ARB2A: variants seen among roughly 807,000 people sequenced by gnomAD.
The protein encoded by ARB2A is ARB2 cotranscriptional regulator A.
chr5:94,084,258 G>A, the ARB2A span, among the ~76,000 whole-genome samples: 1 of 130,460 alleles, frequency 7.7e-6, no homozygotes, highest in Non-Finnish European at 1.6e-5. Context: ...TGGGCAACAG[G>A]AGCAAAACTT....
At chr5:93,929,827 A>G in the ARB2A span, among the ~76,000 whole-genome samples, 1 of 152,242 alleles carries the variant, frequency 6.6e-6, no homozygotes, top group Non-Finnish European at 1.5e-5. Context: ...GTCACTTGAC[A>G]TACATTCTTA....
the ARB2A span, among the ~76,000 whole-genome samples, chr5:93,769,943 G>A: frequency 6.6e-6 from 1 of 152,152 alleles, no homozygotes; most frequent in Non-Finnish European, 1.5e-5. Flanking sequence ...ATGGTCAGAG[G>A]AGAGCTGAAT....
At chr5:93,998,246 A>G in the ARB2A span, among the ~76,000 whole-genome samples, 4 of 151,918 alleles carry the variant, frequency 2.6e-5, no homozygotes, top group Admixed American at 6.6e-5. Flanking sequence ...AAACCTAGAG[A>G]GTATTGAGAT....
chr5:93,738,034 C>G, the ARB2A span: 1 of 369,972 alleles, frequency 2.7e-6, no homozygotes. Flanking sequence ...AAAAGGACAA[C>G]CCACAGAATG....
chr5:93,727,636 T>G, the ARB2A span, among the ~76,000 whole-genome samples: 1 of 152,048 alleles, frequency 6.6e-6, no homozygotes. Context: ...CCCAGTGGAA[T>G]GCACTAAACA....
At chr5:93,691,726 C>T in the ARB2A span, among the ~76,000 whole-genome samples, 2 of 151,772 alleles carry the variant, frequency 1.3e-5, no homozygotes, top group Non-Finnish European at 2.9e-5. Context: ...ACATAATTGT[C>T]AGATTCACCA....
At chr5:93,786,540 T>G in the ARB2A span, among the ~76,000 whole-genome samples, 13 of 152,364 alleles carry the variant, frequency 8.5e-5, no homozygotes, top group South Asian at 6.2e-4. Context: ...AAGATCTTAC[T>G]GAAGAGCGGT....
the ARB2A span, among the ~76,000 whole-genome samples, chr5:93,641,425 C>T: frequency 1.3e-5 from 2 of 151,944 alleles, no homozygotes; most frequent in African/African-American, 2.4e-5. Flanking sequence ...ATGGGAAACA[C>T]CTGTGAATCC....
At chr5:93,985,212 G>A in the ARB2A span, among the ~76,000 whole-genome samples, 1 of 152,070 alleles carries the variant, frequency 6.6e-6, no homozygotes, top group African/African-American at 2.4e-5. Context: ...AATTTACCCT[G>A]GTGAACTCCC....
chr5:93,635,459 G>GTTTTTT, the ARB2A span, among the ~76,000 whole-genome samples: 31 of 128,908 alleles, frequency 2.4e-4, 1 homozygote, highest in African/African-American at 8.5e-4. Context: ...TTATACGAAA[G>GTTTTTT]TTTTTTTTTT....
chr5:93,772,368 A>G, the ARB2A span, among the ~76,000 whole-genome samples: 1 of 152,104 alleles, frequency 6.6e-6, no homozygotes, highest in Non-Finnish European at 1.5e-5. Flanking sequence ...ATGACGAGTT[A>G]ATGGGTGCAG....
chr5:94,049,200 A>G, the ARB2A span, among the ~76,000 whole-genome samples: 4 of 152,114 alleles, frequency 2.6e-5, no homozygotes, highest in Non-Finnish European at 5.9e-5. Flanking sequence ...CAAACTACTC[A>G]CCTAAATGGC....
chr5:94,110,707 A>C, the ARB2A span, among the ~76,000 whole-genome samples: 1 of 152,246 alleles, frequency 6.6e-6, no homozygotes, highest in African/African-American at 2.4e-5. Context: ...GGCATGCGTT[A>C]ATGCAAACGA....
the ARB2A span, among the ~76,000 whole-genome samples, chr5:93,643,026 C>A: frequency 4.6e-5 from 7 of 152,114 alleles, no homozygotes; most frequent in Admixed American, 4.6e-4. Context: ...ATAGTCTGTG[C>A]TAGCCTGGCT....
chr5:93,926,553 C>A, the ARB2A span, among the ~76,000 whole-genome samples: 1 of 151,880 alleles, frequency 6.6e-6, no homozygotes, highest in South Asian at 2.1e-4. Context: ...CATTCTTGTG[C>A]ATTTATCTAG....
the ARB2A span, among the ~76,000 whole-genome samples, chr5:94,076,424 T>C: frequency 1.3e-5 from 2 of 152,152 alleles, no homozygotes; most frequent in African/African-American, 2.4e-5. Flanking sequence ...AAATACATCC[T>C]AGTATATAAG....
chr5:93,817,455 T>C, the ARB2A span, among the ~76,000 whole-genome samples: 14 of 152,174 alleles, frequency 9.2e-5, no homozygotes, highest in Non-Finnish European at 2.9e-5. Flanking sequence ...TTTTTATTTT[T>C]GCAGAAATTA....
chr5:94,070,172 C>A, the ARB2A span, among the ~76,000 whole-genome samples: 1 of 152,022 alleles, frequency 6.6e-6, no homozygotes, highest in Admixed American at 6.6e-5. Context: ...AAAATCATGT[C>A]ATTTGTAGCA....
chr5:93,646,272 C>T, the ARB2A span, among the ~76,000 whole-genome samples: 482 of 151,926 alleles, frequency 3.2e-3, no homozygotes, highest in Non-Finnish European at 5.7e-3. Flanking sequence ...GCCATAGTCG[C>T]TCTTGTATTA....
Sources: gnomAD v4.1 joint callset for allele counts (sites outside exome capture counted in the v4.1 genomes callset) on GRCh38, gnomAD v4.1.1 for gene constraint, MANE v1.5 for transcripts, NCBI Gene and HGNC (gene_info 2026-07-23, HGNC 2026-07-21) for gene names.